CP: variants seen among roughly 807,000 people sequenced by gnomAD.
The protein encoded by CP is ceruloplasmin.
A neutral mutation model predicts 122.4 loss-of-function variants in CP; 64 were observed. That is an observed-to-expected ratio of 0.52 (90% confidence interval 0.43 to 0.64). The LOEUF (loss-of-function observed/expected upper bound fraction) is 0.64, where lower values mean the gene tolerates loss of function less well. Among genes scored for constraint, CP ranks in the 30% least tolerant of loss-of-function variants. The probability of loss-of-function intolerance (pLI) is 0.00; values close to 1 mark genes in which losing one functional copy is unlikely to be tolerated. For synonymous variants in CP, 440 were observed against 436.4 expected, an observed-to-expected ratio of 1.01 and a Z score of -0.10; for missense variants, 1,167 against 1,284.4, an observed-to-expected ratio of 0.91 and a Z score of 1.40.
Position 149,173,615 on chromosome 3 carries a change from A to G in CP, c.*99T>C. 1 of 810,390 alleles carries G rather than the reference A, an allele frequency of 1.2e-6. No homozygotes were observed. Among genetic ancestry groups the G allele is most frequent in the South Asian group, 1.6e-5 (1 of 60,974 alleles). 50.2% of individuals were successfully genotyped at this position (810,390 alleles called of 1,614,324 possible). On this transcript the variant is annotated 3_prime_UTR_variant, in exon 19 of 19. Transcript: ENST00000264613. The stretch of plus-strand genomic sequence containing the variant: ...TGCTTCCAGTCTTCTTTTAATGTTT[A>G]TAGTCATTCCAAAGTAACATTCTAT...
chr3:149,221,802 C>T lies in CP; in HGVS notation c.-10G>A. ...GTATCAAAATCTTCATTTTTTTCCC[C>T]TTCTTGGAGCCTGAGAAGAAATGAA... On this transcript the variant is annotated 5_prime_UTR_variant, in exon 1 of 19. Coordinates refer to ENST00000264613, the MANE Select transcript of CP (RefSeq NM_000096.4). 2 of 1,613,366 alleles carry T rather than the reference C, an allele frequency of 1.2e-6. No individual in the cohort carries two copies. Among genetic ancestry groups the T allele is most frequent in the Non-Finnish European group, 1.7e-6 (2 of 1,179,572 alleles).
At chr3:149,173,864 A>G in intron 18 of CP, 134 bp from the exon 19 acceptor site, 1 of 488,586 alleles carries the variant, frequency 2.0e-6, no homozygotes, top group Non-Finnish European at 3.7e-6. Context: ...TGCTTTTTAT[A>G]TGTTTAAAAA....
intron 18 of CP, 149 bp downstream of exon 18, chr3:149,176,101 G>A (rs1725399867): frequency 1.3e-6 from 1 of 753,114 alleles, no homozygotes; most frequent in Admixed American, 2.3e-5. Context: ...AAAAAATCCT[G>A]TTTGGAGGTA....
chr3:149,217,623 G>T (rs570343621), intron 1 of CP, among the ~76,000 whole-genome samples: 1 of 152,298 alleles, frequency 6.6e-6, no homozygotes, highest in South Asian at 2.1e-4. Context: ...TGCTGTGGCT[G>T]AATGCTTGAA....
chr3:149,171,327 A>T (rs2108196499), downstream of CP, among the ~76,000 whole-genome samples: 1 of 152,222 alleles, frequency 6.6e-6, no homozygotes, highest in East Asian at 1.9e-4. Flanking sequence ...TTTGGGGGAA[A>T]AGGAAGTAAA....
rs970470669 is a variant in CP, at chr3:149,182,248, T to C, written c.2426-115A>G. 4.3e-6 allele frequency: 5 copies of C among 1,162,440 alleles called. No homozygotes were observed. The African/African-American group carries it at 6.1e-5, about 14-fold the overall frequency. 72.0% of individuals were successfully genotyped at this position (1,162,440 alleles called of 1,614,324 possible). ...CCCATGGGTTTGTGGTATAATACTC[T>C]TGGATTTATACTGCGTCCCAGGGAA... On this transcript the variant is annotated intron_variant, in intron 13 of 18. Coordinates refer to ENST00000264613, the MANE Select transcript of CP (RefSeq NM_000096.4).
intron 18 of CP, 35 bp downstream of exon 18, chr3:149,176,215 T>C: frequency 5.0e-6 from 8 of 1,597,936 alleles, no homozygotes; most frequent in Non-Finnish European, 6.9e-6. Context: ...ATATCTTTTA[T>C]ATATGGCTTC....
At chr3:149,187,364 A>G (rs934642583) in intron 10 of CP, among the ~76,000 whole-genome samples, 2 of 152,228 alleles carry the variant, frequency 1.3e-5, no homozygotes, top group African/African-American at 2.4e-5. Flanking sequence ...ATTGGCTACA[A>G]TAATTTTTAC....
Position 149,175,887 on chromosome 3 carries a change from A to C in CP, c.3181+363T>G, listed in dbSNP as rs1725385066. 3 of 195,216 alleles carry C rather than the reference A, an allele frequency of 1.5e-5. No homozygotes were observed. In the South Asian group the frequency reaches 2.8e-4, roughly 19 times the overall value. The allele number at this position is 195,216 out of a possible 1,614,324, so 12.1% of individuals were successfully genotyped here. A position where few individuals can be genotyped will look rare whatever the true frequency, so the allele number is the denominator to read the frequency against. On this transcript the variant is annotated intron_variant, in intron 18 of 18. Coordinates refer to ENST00000264613, the MANE Select transcript of CP (RefSeq NM_000096.4). ...TCTTACATGGAGGTGCCACCTAGAA[A>C]AAAAATTGTTTTTTGTTAAGAAAGA...
rs749950432 is a variant in CP, at chr3:149,210,358, G to A, written c.416C>T (p.Thr139Ile). Residue 139 changes from threonine to isoleucine, a missense_variant, in exon 3 of 19, where the codon ACC becomes ATC. Coordinates refer to ENST00000264613, the MANE Select transcript of CP (RefSeq NM_000096.4). The stretch of plus-strand genomic sequence containing the variant: ...GTCATCTGCTCTTTGAAAATCTGTG[G>A]TGTTATCAGGGTAGATGGCCCCTAG... ...EHEGAIYPDN[T>I]TDFQRADDKV... 6.2e-7 allele frequency: 1 copy of A among 1,613,976 alleles called. No individual in the cohort carries two copies. The highest frequency in any genetic ancestry group is 1.7e-5 in the Admixed American group (1 of 60,022).
intron 4 of CP, chr3:149,167,183 G>T (rs770812638): frequency 1.2e-6 from 2 of 1,613,796 alleles, no homozygotes; most frequent in African/African-American, 2.7e-5. Flanking sequence ...TACTGTTAGA[G>T]AGATGCCCGG....
Position 149,185,408 on chromosome 3 carries a change from T to C in CP, c.2116A>G (p.Thr706Ala), listed in dbSNP as rs202036068. The C allele has an allele frequency of 8.3e-5, 134 of 1,614,062 alleles. No individual in the cohort carries two copies. Among genetic ancestry groups the C allele is most frequent in the Non-Finnish European group, 1.0e-4 (122 of 1,180,030 alleles). The change falls in exon 12 of 19, where the codon ACA (threonine) becomes GCA (alanine). Residue 706 changes from threonine (T) to alanine (A), a missense_variant. This residue lies in a region of CP where 525 missense variants were observed against 657.2 expected (regional missense o/e 0.80). Coordinates refer to ENST00000264613, the MANE Select transcript of CP (RefSeq NM_000096.4). ...GTATATTTTTGCTTCATGCCGCCTG[T>C]GTAATGATCAGTTGTAAGGCATTCA... Reference protein sequence around the residue: ...NVECLTTDHYTGGMKQKYTVN... With the variant: ...NVECLTTDHYAGGMKQKYTVN...
intron 14 of CP, 26 bp downstream of exon 14, chr3:149,181,979 A>AACCCCCCCCCCCC: frequency 1.9e-6 from 1 of 515,796 alleles, no homozygotes; most frequent in Non-Finnish European, 3.7e-6. Flanking sequence ...AAAATGCACC[A>AACCCCCCCCCCCC]CCCCCACCCC....
chr3:149,169,961 T>C (rs1724812253), downstream of CP, among the ~76,000 whole-genome samples: 1 of 152,184 alleles, frequency 6.6e-6, no homozygotes, highest in African/African-American at 2.4e-5. Context: ...AACTTGTAGA[T>C]TTAGGTAGCT....
In CP at chr3:149,177,871, A is replaced by G. The variant is rs774951664; in HGVS notation, c.2987T>C (p.Val996Ala). The G allele has an allele frequency of 3.1e-6, 5 of 1,613,690 alleles. No homozygotes were observed. The highest frequency in any genetic ancestry group is 2.2e-5 in the East Asian group (1 of 44,886). ...GMGNEIDLHT[V>A]HFHGHSFQYK... is the part of the protein sequence containing the mutation. ...TTGGAAGCTATGGCCGTGAAAATGT[A>G]CAGTGTGTAAGTCTATTTCATTGCC... Residue 996 changes from valine (V) to alanine (A), a missense_variant, in exon 17 of 19, where the codon GTA (valine) becomes GCA (alanine). Around this residue, in one of 2 missense-constraint regions of CP, gnomAD observed 525 missense variants for 657.2 expected, o/e 0.80. Coordinates refer to ENST00000264613, the MANE Select transcript of CP (RefSeq NM_000096.4).
chr3:149,181,981 C>CCA, intron 14 of CP, 24 bp downstream of exon 14: 5 of 520,432 alleles, frequency 9.6e-6, no homozygotes, highest in South Asian at 4.5e-5. Context: ...AATGCACCAC[C>CCA]CCCACCCCCG....
chr3:149,199,876 G>A lies in CP; in HGVS notation c.1349-12C>T. On this transcript the variant is annotated splice_polypyrimidine_tract_variant and intron_variant, in intron 7 of 18. Coordinates refer to ENST00000264613, the MANE Select transcript of CP (RefSeq NM_000096.4). ...CCAAATGACAGGACCTGGGAACAAA[G>A]AGAGAATTATTATCCTTCCTTGGTA... is the stretch of plus-strand genomic sequence containing the variant. 3.7e-6 allele frequency: 6 copies of A among 1,613,436 alleles called. No homozygotes were observed. The highest frequency in any genetic ancestry group is 5.1e-6 in the Non-Finnish European group (6 of 1,179,436).
intron 17 of CP, among the ~76,000 whole-genome samples, chr3:149,177,262 T>C (rs1725477510): frequency 1.3e-5 from 2 of 152,202 alleles, no homozygotes; most frequent in Non-Finnish European, 2.9e-5. Context: ...TGAACATTCC[T>C]ACCCTCTTTG....
chr3:149,187,906 C>A, intron 10 of CP, 146 bp downstream of exon 10: 1 of 793,024 alleles, frequency 1.3e-6, no homozygotes, highest in Admixed American at 2.1e-5. Flanking sequence ...ATCAAATAAC[C>A]AGTGAGATTA....
Sources: gnomAD v4.1 joint callset for allele counts (sites outside exome capture counted in the v4.1 genomes callset) on GRCh38, gnomAD v4.1.1 for gene constraint, gnomAD v4.1.1 regional missense constraint, MANE v1.5 for transcripts, NCBI Gene and HGNC (gene_info 2026-07-23, HGNC 2026-07-21) for gene names.